Variants in CAT observed in about 807,000 individuals in gnomAD.
CAT encodes epididymis secretory sperm binding protein.
Under a neutral mutation model 59.0 loss-of-function variants are expected in CAT, and 43 were observed. The observed-to-expected ratio is 0.73, with a 90% confidence interval of 0.57 to 0.94. CAT has a LOEUF of 0.94. CAT is among the 40% of genes least tolerant of loss of function. The probability of loss-of-function intolerance (pLI) is 0.00; values close to 1 mark genes in which losing one functional copy is unlikely to be tolerated. For synonymous variants in CAT, 218 were observed against 230.9 expected (o/e 0.94, Z 0.51); for missense variants, 664 against 682.9 (o/e 0.97, Z 0.31).
chr11:34,471,179 A>G (rs1856768877), intron 12 of CAT, 138 bp downstream of exon 12: 3 of 925,338 alleles, frequency 3.2e-6, no homozygotes, highest in Non-Finnish European at 3.5e-6. Context: ...CTGTGCAGAA[A>G]TTCATTTGAG....
chr11:34,440,467 C>G (rs939516858), intron 1 of CAT, among the ~76,000 whole-genome samples: 1 of 152,150 alleles, frequency 6.6e-6, no homozygotes, highest in African/African-American at 2.4e-5. Context: ...CTGGTTCACA[C>G]TGAAGTTTTC....
rs1856774520 is a variant in CAT at position 34,471,638 on chromosome 11, T to G, written c.*205T>G. The G allele has an allele frequency of 1.8e-5, 10 of 547,102 alleles. No homozygotes were observed. Among genetic ancestry groups the G allele is most frequent in the Non-Finnish European group, 3.3e-5 (10 of 304,892 alleles). The allele number at this position is 547,102 out of a possible 1,614,324, so 33.9% of individuals were successfully genotyped here. ...TGAAGGTTAGGATTTAACAGTCATT[T>G]AAAAAAAAAATTTGTTTTGACGGAT... On this transcript the variant is annotated 3_prime_UTR_variant, in exon 13 of 13. Transcript: ENST00000241052.
chr11:34,438,948 C>G lies in CAT; in HGVS notation c.-66C>G, dbSNP rs1007998317. ...GGACTCGGGGCAACAGGCAGATTTGCCTGCTGAGGGTGGAGACCCACGAGC... is the reference window on the plus strand; with the variant it reads ...GGACTCGGGGCAACAGGCAGATTTGGCTGCTGAGGGTGGAGACCCACGAGC... On this transcript the variant is annotated 5_prime_UTR_variant, in exon 1 of 13. Transcript: ENST00000241052. 7.1e-7 allele frequency: 1 copy of G among 1,406,166 alleles called. No individual in the cohort carries two copies. Among genetic ancestry groups the G allele is most frequent in the Admixed American group, 2.0e-5 (1 of 51,026 alleles). The allele number at this position is 1,406,166 out of a possible 1,614,324, so 87.1% of individuals were successfully genotyped here.
At chr11:34,459,482 C>T (rs1856625468) in intron 8 of CAT, among the ~76,000 whole-genome samples, 1 of 152,222 alleles carries the variant, frequency 6.6e-6, no homozygotes, top group South Asian at 2.1e-4. Context: ...AGAGACTGTC[C>T]TGTCCCCTGA....
intron 9 of CAT, among the ~76,000 whole-genome samples, chr11:34,463,426 T>C (rs2284365): frequency 0.27 from 40,945 of 152,052 alleles, 5,892 homozygotes; most frequent in East Asian, 0.49. Context: ...AAGTCATCAT[T>C]GTCAGTAAAG....
At chr11:34,465,084 G>A (rs1856699313) in intron 10 of CAT, among the ~76,000 whole-genome samples, 2 of 152,200 alleles carry the variant, frequency 1.3e-5, no homozygotes, top group Non-Finnish European at 1.5e-5. Context: ...AGGGCTGTAG[G>A]TGGGCAGCTG....
chr11:34,452,157 G>T lies in CAT; in HGVS notation c.430G>T (p.Asp144Tyr). 1.9e-6 allele frequency: 3 copies of T among 1,613,806 alleles called. No individual in the cohort carries two copies. The highest frequency in any genetic ancestry group is 2.5e-6 in the Non-Finnish European group (3 of 1,179,770). ...ATTTTACACAGAAGATGGTAACTGG[G>T]ATCTCGTTGGAAATAACACCCCCAT... The part of the protein sequence containing the change: ...VKFYTEDGNW[D>Y]LVGNNTPIFF... The change falls in exon 4 of 13, where the codon GAT (aspartate) becomes TAT (tyrosine). Residue 144 changes from aspartate to tyrosine, a missense_variant. Physicochemically the swap from Asp to Tyr is radical, Grantham distance 160 (BLOSUM62 -3). Coordinates refer to ENST00000241052, the MANE Select transcript of CAT (RefSeq NM_001752.4).
At chr11:34,457,204 CTTTTTTTTT>C (rs899442681) in intron 8 of CAT, among the ~76,000 whole-genome samples, 1 of 66,172 alleles carries the variant, frequency 1.5e-5, no homozygotes, top group African/African-American at 6.0e-5. Flanking sequence ...TTTTCTTGTT[CTTTTTTTTT>C]TTTTTTTTTT....
Position 34,461,356 on chromosome 11 carries a change from C to G in CAT, c.1162C>G (p.Arg388Gly). ...PYRARVANYQRDGPMCMQDNQ... is the reference protein window; with the variant it reads ...PYRARVANYQGDGPMCMQDNQ... ...CCGTGCTCGAGTGGCCAACTACCAGCGTGACGGCCCGATGTGCATGCAGGA... is the reference window on the plus strand; with the variant it reads ...CCGTGCTCGAGTGGCCAACTACCAGGGTGACGGCCCGATGTGCATGCAGGA... Residue 388 changes from arginine (R) to glycine (G), a missense_variant, in exon 9 of 13, where the codon CGT (arginine) becomes GGT (glycine). Physicochemically the swap from Arg to Gly is moderately radical, Grantham distance 125. Coordinates refer to ENST00000241052, the MANE Select transcript of CAT (RefSeq NM_001752.4). 3 of 1,614,206 alleles carry G rather than the reference C, an allele frequency of 1.9e-6. No individual in the cohort carries two copies. The highest frequency in any genetic ancestry group is 2.5e-6 in the Non-Finnish European group (3 of 1,180,026).
chr11:34,470,496 G>T (rs1856762089), intron 11 of CAT, among the ~76,000 whole-genome samples: 1 of 152,162 alleles, frequency 6.6e-6, no homozygotes, highest in Admixed American at 6.5e-5. Flanking sequence ...CTGGAGGTTT[G>T]GGGGTGGGGC....
chr11:34,452,511 T>C (rs1856536031), intron 4 of CAT, among the ~76,000 whole-genome samples: 1 of 152,086 alleles, frequency 6.6e-6, no homozygotes, highest in African/African-American at 2.4e-5. Context: ...AGGGTGTCTC[T>C]ACATGCTCTG....
chr11:34,464,387 T>G, intron 10 of CAT, 152 bp downstream of exon 10: 1 of 839,264 alleles, frequency 1.2e-6, no homozygotes, highest in Non-Finnish European at 2.0e-6. Context: ...ATTGGGCCCC[T>G]TACTGGGTGG....
At chr11:34,441,456 C>T (rs1026879655) in intron 1 of CAT, among the ~76,000 whole-genome samples, 5 of 152,154 alleles carry the variant, frequency 3.3e-5, no homozygotes, top group African/African-American at 4.8e-5. Flanking sequence ...TTTGGATATC[C>T]TGTTGCTGGA....
chr11:34,442,376 C>T (rs543248781), intron 1 of CAT, among the ~76,000 whole-genome samples: 5 of 152,128 alleles, frequency 3.3e-5, no homozygotes, highest in South Asian at 2.1e-4. Context: ...CTGAGGTGGG[C>T]GGATCACCTG....
At chr11:34,446,901 C>G (rs900815066) in intron 1 of CAT, among the ~76,000 whole-genome samples, 1 of 152,074 alleles carries the variant, frequency 6.6e-6, no homozygotes, top group African/African-American at 2.4e-5. Context: ...CTCCACTGCA[C>G]CTGGTACTAA....
At chr11:34,456,262 A>G (rs1311190135) in intron 7 of CAT, 60 bp downstream of exon 7, 3 of 1,302,354 alleles carry the variant, frequency 2.3e-6, no homozygotes, top group Non-Finnish European at 3.3e-6. Flanking sequence ...CTAATTAGAA[A>G]AAAAATCTAG....
At chr11:34,457,281 C>T (rs1487904978) in intron 8 of CAT, among the ~76,000 whole-genome samples, 4 of 130,606 alleles carry the variant, frequency 3.1e-5, no homozygotes, top group African/African-American at 5.9e-5. Context: ...GGCATGATCT[C>T]GGCTCACTGC....
Position 34,442,478 on chromosome 11 carries a change from G to A in CAT, c.66+3399G>A, listed in dbSNP as rs181816933. Reference sequence around the variant, plus strand: ...TAGCTGGGCGTGGTGGCACATGCCTGTAATCCCAGCTGCTTGGGAGGCTGA... The same window carrying A: ...TAGCTGGGCGTGGTGGCACATGCCTATAATCCCAGCTGCTTGGGAGGCTGA... On this transcript the variant is annotated intron_variant, in intron 1 of 12. Coordinates refer to ENST00000241052, the MANE Select transcript of CAT (RefSeq NM_001752.4). 2.3e-3 allele frequency among the ~76,000 whole-genome samples: 346 copies of A among 152,262 alleles called. 2 individuals are homozygous for A. Among genetic ancestry groups the A allele is most frequent in the African/African-American group, 7.8e-3 (325 of 41,544 alleles).
chr11:34,454,587 A>G (rs1380511982), intron 6 of CAT, among the ~76,000 whole-genome samples: 1 of 152,154 alleles, frequency 6.6e-6, no homozygotes, highest in Admixed American at 6.5e-5. Context: ...CAAAAGCCCT[A>G]TTTTCTTCTA....
Sources: gnomAD v4.1 joint callset for allele counts (sites outside exome capture counted in the v4.1 genomes callset) on GRCh38, gnomAD v4.1.1 for gene constraint, MANE v1.5 for transcripts, NCBI Gene and HGNC (gene_info 2026-07-23, HGNC 2026-07-21) for gene names.